PALS1: variants seen among roughly 807,000 people sequenced by gnomAD.
The protein encoded by PALS1 is protein PALS1.
Under a neutral mutation model 78.9 loss-of-function variants are expected in PALS1, and 31 were observed. The ratio of observed to expected loss-of-function variants is 0.39; its 90% CI spans 0.30 to 0.53. The LOEUF (loss-of-function observed/expected upper bound fraction) is 0.53. Among genes scored for constraint, PALS1 ranks in the 20% least tolerant of loss-of-function variants. The pLI, the probability that PALS1 is intolerant of heterozygous loss-of-function variation, is 0.67. For synonymous variants in PALS1, 276 were observed against 270.9 expected, an observed-to-expected ratio of 1.02 and a Z score of -0.18; for missense variants, 704 against 826.5, an observed-to-expected ratio of 0.85 and a Z score of 1.82.
intron 3 of PALS1, among the ~76,000 whole-genome samples, chr14:67,281,237 T>C (rs939135918): frequency 6.6e-6 from 1 of 152,130 alleles, no homozygotes. Context: ...TCATCTTCTT[T>C]TCTTTGTTAT....
chr14:67,241,657 AGCGGGAGACCCCTGGCAGCCAG>A (rs1567493164), intron 1 of PALS1, 124 bp downstream of exon 1: 1 of 152,306 alleles, frequency 6.6e-6, no homozygotes, highest in African/African-American at 2.4e-5. Flanking sequence ...AACTCCGGCC[AGCGGGAGACCCCTGGCAGCCAG>A]GCGGGCTTCC....
intron 1 of PALS1, among the ~76,000 whole-genome samples, chr14:67,268,343 G>A (rs566245263): frequency 4.6e-5 from 7 of 152,192 alleles, no homozygotes; most frequent in Admixed American, 2.0e-4. Context: ...TTACCCGAAG[G>A]GGGTCCCGAT....
At chr14:67,293,950 A>G (rs1225377233) in intron 4 of PALS1, among the ~76,000 whole-genome samples, 1 of 152,192 alleles carries the variant, frequency 6.6e-6, no homozygotes, top group East Asian at 1.9e-4. Context: ...GACACACACA[A>G]TAGAAAGGTG....
intron 1 of PALS1, among the ~76,000 whole-genome samples, chr14:67,243,753 C>T (rs2083942026): frequency 1.3e-5 from 2 of 152,086 alleles, no homozygotes; most frequent in South Asian, 4.1e-4. Context: ...GCCTCGCCCT[C>T]CCAAAGTGCT....
chr14:67,243,049 T>C (rs1287911461), intron 1 of PALS1, among the ~76,000 whole-genome samples: 1 of 152,166 alleles, frequency 6.6e-6, no homozygotes, highest in African/African-American at 2.4e-5. Context: ...AAAAATAAAA[T>C]TTATCACCCA....
chr14:67,332,518 T>C (rs1316146460), intron 14 of PALS1, among the ~76,000 whole-genome samples: 1 of 152,198 alleles, frequency 6.6e-6, no homozygotes, highest in African/African-American at 2.4e-5. Context: ...GTTGGTGAGA[T>C]AAGACAAAAT....
In PALS1 at chr14:67,335,546, ATTTGC is replaced by A. The variant is rs1170827786; in HGVS notation, c.*2594_*2598del. 1 of 152,652 alleles carries A rather than the reference ATTTGC, an allele frequency of 6.6e-6. No homozygotes were observed. Among genetic ancestry groups the A allele is most frequent in the Admixed American group, 6.5e-5 (1 of 15,284 alleles). 9.5% of individuals were successfully genotyped at this position (152,652 alleles called of 1,614,324 possible). ...GAGAATATTATTTAGACTAATCCAG[ATTTGC>A]TTTCTATGAAAATCTAATGTCTGGA... is the stretch of plus-strand genomic sequence containing the variant. On this transcript the variant is annotated 3_prime_UTR_variant, in exon 15 of 15. Coordinates refer to ENST00000261681, the MANE Select transcript of PALS1 (RefSeq NM_022474.4).
chr14:67,328,137 AGCACC>A (rs1207056846), intron 14 of PALS1, among the ~76,000 whole-genome samples: 3 of 152,190 alleles, frequency 2.0e-5, no homozygotes, highest in African/African-American at 7.2e-5. Context: ...CATCCTCTCC[AGCACC>A]TGTTGTTTCC....
chr14:67,284,533 C>T (rs898075118), intron 3 of PALS1, among the ~76,000 whole-genome samples: 1 of 106,816 alleles, frequency 9.4e-6, no homozygotes, highest in African/African-American at 3.6e-5. Flanking sequence ...CCCAGGAGAT[C>T]GAGGCTGCAG....
At chr14:67,329,617 T>C (rs1253147690) in intron 14 of PALS1, among the ~76,000 whole-genome samples, 1 of 152,134 alleles carries the variant, frequency 6.6e-6, no homozygotes, top group Non-Finnish European at 1.5e-5. Context: ...TGTGGGTTTG[T>C]CATAAATAGC....
chr14:67,286,126 G>C (rs903274897), intron 3 of PALS1, among the ~76,000 whole-genome samples: 1 of 152,194 alleles, frequency 6.6e-6, no homozygotes, highest in Non-Finnish European at 1.5e-5. Context: ...TTACAGACTT[G>C]AATTTACTAC....
chr14:67,245,836 C>T lies in PALS1; in HGVS notation c.-237+4303C>T, dbSNP rs114354996. On this transcript the variant is annotated intron_variant, in intron 1 of 14. Transcript: ENST00000261681. ...ATATTGTATCTAAGAACTCTTTGCT[C>T]AATCCACGGTCAGAGAGATTTTTCT... Among the ~76,000 whole-genome samples, 228 of 152,002 alleles carry T rather than the reference C, an allele frequency of 1.5e-3. 1 individual carries two copies. Among genetic ancestry groups the T allele is most frequent in the African/African-American group, 5.2e-3 (217 of 41,392 alleles).
intron 3 of PALS1, 32 bp from the exon 4 acceptor site, chr14:67,292,479 T>C: frequency 2.1e-6 from 3 of 1,436,214 alleles, no homozygotes; most frequent in Non-Finnish European, 2.9e-6. Flanking sequence ...CTGAAACAGT[T>C]AATTTTTGGA....
At chr14:67,286,729 G>C (rs1475676343) in intron 3 of PALS1, among the ~76,000 whole-genome samples, 14 of 151,566 alleles carry the variant, frequency 9.2e-5, no homozygotes, top group Non-Finnish European at 2.1e-4. Context: ...GTGGTGGAAT[G>C]CGACTGTGGT....
chr14:67,255,115 C>T (rs1189806783), intron 1 of PALS1, among the ~76,000 whole-genome samples: 1 of 151,980 alleles, frequency 6.6e-6, no homozygotes, highest in African/African-American at 2.4e-5. Flanking sequence ...TGCCACTGCA[C>T]TCCAGCCTGG....
intron 1 of PALS1, among the ~76,000 whole-genome samples, chr14:67,253,707 T>C (rs1443737589): frequency 6.6e-6 from 1 of 151,890 alleles, no homozygotes; most frequent in African/African-American, 2.4e-5. Flanking sequence ...ATTAGCTGGG[T>C]TTGCATTCCT....
chr14:67,310,267 A>T (rs2085069727), intron 8 of PALS1, among the ~76,000 whole-genome samples: 2 of 152,148 alleles, frequency 1.3e-5, no homozygotes, highest in African/African-American at 4.8e-5. Context: ...GTTTTTTCAC[A>T]TCTAGAATGA....
chr14:67,295,458 C>G (rs1195671151), intron 4 of PALS1, among the ~76,000 whole-genome samples: 1 of 151,380 alleles, frequency 6.6e-6, no homozygotes, highest in Non-Finnish European at 1.5e-5. Flanking sequence ...CCACTGCATT[C>G]CAGTCTGGGC....
intron 4 of PALS1, among the ~76,000 whole-genome samples, chr14:67,296,585 C>CAAAAAAAAA (rs374329692): frequency 3.9e-4 from 20 of 51,018 alleles, no homozygotes; most frequent in African/African-American, 7.8e-4. Context: ...AACTCTGTCT[C>CAAAAAAAAA]AAAAAAAAAA....
Sources: gnomAD v4.1 joint callset for allele counts (sites outside exome capture counted in the v4.1 genomes callset) on GRCh38, gnomAD v4.1.1 for gene constraint, MANE v1.5 for transcripts, NCBI Gene and HGNC (gene_info 2026-07-23, HGNC 2026-07-21) for gene names.